CREB5: variants seen among roughly 807,000 people sequenced by gnomAD.
The protein encoded by CREB5 is cyclic AMP-responsive element-binding protein 5.
A neutral mutation model predicts 57.1 loss-of-function variants in CREB5; 19 were observed. The observed-to-expected ratio is 0.33, with a 90% CI of 0.23 to 0.49. The LOEUF (loss-of-function observed/expected upper bound fraction) is 0.49. Among genes scored for constraint, CREB5 ranks in the 20% least tolerant of loss-of-function variants. The pLI is 0.99. For synonymous variants in CREB5, 238 were observed against 238.3 expected (o/e 1.00, Z 0.01); for missense variants, 579 against 671.6 (o/e 0.86, Z 1.52).
chr7:28,561,033 T>TGC lies in CREB5; in HGVS notation c.292-9331_292-9330insCG, dbSNP rs1554344588. ...GTGTGTGTGCGTGTGTGCGTGTGTG[T>TGC]GTGTGTGTGTGAAGGTATTTTTCAG... On this transcript the variant is annotated intron_variant, in intron 4 of 10. Coordinates refer to ENST00000357727, the MANE Select transcript of CREB5 (RefSeq NM_182898.4). Among the ~76,000 whole-genome samples the TGC allele has an allele frequency of 4.2e-3, 348 of 83,492 alleles. 79 individuals are homozygous for TGC. Among genetic ancestry groups the TGC allele is most frequent in the Middle Eastern group, 0.014 (2 of 144 alleles). The allele number at this position is 83,492 out of a possible 152,430, so 54.8% of individuals were successfully genotyped here.
intron 7 of CREB5, among the ~76,000 whole-genome samples, chr7:28,769,935 A>T (rs895509902): frequency 6.6e-6 from 1 of 152,212 alleles, no homozygotes; most frequent in Non-Finnish European, 1.5e-5. Context: ...CACAAAAGAG[A>T]CATTTCTTGC....
intron 5 of CREB5, among the ~76,000 whole-genome samples, chr7:28,643,486 C>A (rs1488965837): frequency 1.3e-5 from 2 of 152,148 alleles, no homozygotes; most frequent in African/African-American, 4.8e-5. Flanking sequence ...TCACCCTCCC[C>A]CACCTTACAC....
At chr7:28,453,429 A>AC (rs200014312) in intron 1 of CREB5, among the ~76,000 whole-genome samples, 2,446 of 152,292 alleles carry the variant, frequency 0.016, 39 homozygotes, top group East Asian at 0.031. Flanking sequence ...ACAGAGCGAG[A>AC]CCCTGTCTCA....
At chr7:28,450,260 G>T (rs536699743) in intron 1 of CREB5, among the ~76,000 whole-genome samples, 1 of 152,114 alleles carries the variant, frequency 6.6e-6, no homozygotes, top group African/African-American at 2.4e-5. Context: ...TAAAAAGCCC[G>T]AGGGTACTTA....
At chr7:28,793,514 G>A (rs973313225) in intron 7 of CREB5, among the ~76,000 whole-genome samples, 1 of 152,234 alleles carries the variant, frequency 6.6e-6, no homozygotes, top group African/African-American at 2.4e-5. Flanking sequence ...GTAGACATGT[G>A]TTGGGAGAAG....
intron 7 of CREB5, among the ~76,000 whole-genome samples, chr7:28,728,489 G>A (rs1803450235): frequency 6.6e-6 from 1 of 152,226 alleles, no homozygotes; most frequent in Admixed American, 6.5e-5. Flanking sequence ...GGCAAGGATA[G>A]TTTATACCTC....
intron 1 of CREB5, among the ~76,000 whole-genome samples, chr7:28,386,738 G>C (rs149966154): frequency 5.4e-4 from 82 of 152,152 alleles, no homozygotes; most frequent in African/African-American, 1.9e-3. Flanking sequence ...TTAATTTCTT[G>C]AGTGTTATCT....
At chr7:28,465,228 A>G (rs549928234) in intron 1 of CREB5, among the ~76,000 whole-genome samples, 1 of 152,298 alleles carries the variant, frequency 6.6e-6, no homozygotes, top group East Asian at 1.9e-4. Context: ...ATTCCCACTA[A>G]TTATTCCCTC....
chr7:28,720,708 A>G (rs572650537), intron 6 of CREB5, among the ~76,000 whole-genome samples: 19 of 152,284 alleles, frequency 1.2e-4, no homozygotes, highest in African/African-American at 3.6e-4. Context: ...ACCCCTTTAC[A>G]TGAAAGAAAA....
At chr7:28,623,535 T>A (rs1227180106) in intron 5 of CREB5, among the ~76,000 whole-genome samples, 1 of 152,200 alleles carries the variant, frequency 6.6e-6, no homozygotes, top group Non-Finnish European at 1.5e-5. Context: ...TTGATCTGAC[T>A]CACTGTATGT....
rs73293266 is a variant in CREB5 at position 28,352,448 on chromosome 7, G to A, written c.-25+53007G>A. On this transcript the variant is annotated intron_variant, in intron 1 of 9. Transcript: ENST00000396299. The stretch of plus-strand genomic sequence containing the variant: ...ATGAAAAACATAAACCAGAAATTAC[G>A]TAAGTGATAAAGAAACCTCTCTTGT... 6.3e-3 allele frequency among the ~76,000 whole-genome samples: 955 copies of A among 152,304 alleles called. 11 individuals carry two copies. Among genetic ancestry groups the A allele is most frequent in the African/African-American group, 0.022 (897 of 41,564 alleles).
At chr7:28,753,491 T>C (rs1346440991) in intron 7 of CREB5, among the ~76,000 whole-genome samples, 1 of 152,194 alleles carries the variant, frequency 6.6e-6, no homozygotes, top group East Asian at 1.9e-4. Context: ...TTTTTAGTTT[T>C]CCAATTCTTG....
At chr7:28,371,312 T>C (rs1047022497) in intron 1 of CREB5, among the ~76,000 whole-genome samples, 3 of 150,726 alleles carry the variant, frequency 2.0e-5, no homozygotes, top group Non-Finnish European at 4.4e-5. Flanking sequence ...CTACTAAAAA[T>C]ACAAAAAAAA....
chr7:28,748,186 T>C (rs1220273219), intron 7 of CREB5, among the ~76,000 whole-genome samples: 2 of 152,236 alleles, frequency 1.3e-5, no homozygotes, highest in African/African-American at 2.4e-5. Context: ...GTGTAGTGTT[T>C]TGCTTTGTTT....
At chr7:28,653,188 G>A (rs895731024) in intron 5 of CREB5, among the ~76,000 whole-genome samples, 6 of 152,162 alleles carry the variant, frequency 3.9e-5, no homozygotes, top group Non-Finnish European at 5.9e-5. Flanking sequence ...TATTCTGGAA[G>A]AGCCATCCAT....
intron 1 of CREB5, among the ~76,000 whole-genome samples, chr7:28,377,857 G>A (rs1786868539): frequency 7.0e-6 from 1 of 142,258 alleles, no homozygotes; most frequent in South Asian, 2.2e-4. Flanking sequence ...GCGTGAACCC[G>A]AGAGGCGGAG....
intron 5 of CREB5, among the ~76,000 whole-genome samples, chr7:28,606,672 G>A (rs1797142507): frequency 6.6e-6 from 1 of 151,988 alleles, no homozygotes; most frequent in South Asian, 2.1e-4. Context: ...ATTGGCTCAG[G>A]GAGACCATCT....
At chr7:28,470,360 A>G (rs377225225) in intron 1 of CREB5, among the ~76,000 whole-genome samples, 2 of 152,312 alleles carry the variant, frequency 1.3e-5, no homozygotes, top group African/African-American at 4.8e-5. Flanking sequence ...TTTACTTAAC[A>G]TAGTGACCTC....
At chr7:28,374,382 T>C (rs189573629) in intron 1 of CREB5, among the ~76,000 whole-genome samples, 26 of 152,328 alleles carry the variant, frequency 1.7e-4, no homozygotes, top group Middle Eastern at 3.4e-3. Context: ...CAAATACTTG[T>C]ATGCAAATGT....
Sources: allele counts gnomAD v4.1 joint callset (sites outside exome capture counted in the v4.1 genomes callset), GRCh38; gene constraint gnomAD v4.1.1; transcripts MANE v1.5; gene names NCBI Gene and HGNC (gene_info 2026-07-23, HGNC 2026-07-21).